The following NXNL2 variants were observed in gnomAD, a reference collection of about 807,000 sequenced individuals.
The protein encoded by NXNL2 is nucleoredoxin like 2.
NXNL2 carries 7 observed loss-of-function variants against 11.1 expected under a neutral mutation model. The observed-to-expected ratio is 0.63, with a 90% CI of 0.36 to 1.18. NXNL2 has a LOEUF of 1.18. Ranked by LOEUF, NXNL2 falls within the 50% of genes most tolerant of loss-of-function variation. The pLI is 0.02. For synonymous variants in NXNL2, 109 were observed against 101.8 expected (o/e 1.07, Z -0.42); for missense variants, 233 against 217.7 (o/e 1.07, Z -0.44).
chr9:88,565,689 C>A (rs1002146691), intron 1 of NXNL2, among the ~76,000 whole-genome samples: 3 of 152,122 alleles, frequency 2.0e-5, no homozygotes, highest in Non-Finnish European at 4.4e-5. Context: ...AGGTGCGGGA[C>A]ACCACACCTG....
downstream of NXNL2, among the ~76,000 whole-genome samples, chr9:88,580,750 C>T (rs1489683694): frequency 6.6e-6 from 1 of 152,202 alleles, no homozygotes; most frequent in Non-Finnish European, 1.5e-5. Flanking sequence ...AGATTTCATC[C>T]ATGGCCCCAC....
intron 1 of NXNL2, among the ~76,000 whole-genome samples, chr9:88,553,378 C>A (rs535542810): frequency 1.4e-4 from 21 of 152,166 alleles, no homozygotes; most frequent in African/African-American, 4.6e-4. Context: ...ACAACAACAA[C>A]AAAAAACCCA....
downstream of NXNL2, among the ~76,000 whole-genome samples, chr9:88,548,506 A>G (rs938950970): frequency 2.0e-5 from 3 of 150,506 alleles, no homozygotes; most frequent in African/African-American, 7.4e-5. Context: ...TAAAATGGTG[A>G]AACCCTGTCT....
At chr9:88,541,446 A>G (rs1409961298) in intron 1 of NXNL2, among the ~76,000 whole-genome samples, 1 of 151,912 alleles carries the variant, frequency 6.6e-6, no homozygotes, top group East Asian at 1.9e-4. Context: ...TATTTTGTGG[A>G]GACAGGGTCT....
intron 1 of NXNL2, among the ~76,000 whole-genome samples, chr9:88,542,284 A>AT (rs1454322707): frequency 6.6e-6 from 1 of 151,412 alleles, no homozygotes; most frequent in African/African-American, 2.4e-5. Context: ...AAAAAAATAT[A>AT]TATTTTTTTA....
At chr9:88,540,992 C>CTGGAGTGCA (rs1829747425) in intron 1 of NXNL2, among the ~76,000 whole-genome samples, 1 of 131,032 alleles carries the variant, frequency 7.6e-6, no homozygotes, top group East Asian at 2.1e-4. Flanking sequence ...ATCATCCAGG[C>CTGGAGTGCA]TGGAGTGCAG....
chr9:88,543,796 G>A (rs1218292984), intron 1 of NXNL2, among the ~76,000 whole-genome samples: 1 of 152,214 alleles, frequency 6.6e-6, no homozygotes, highest in South Asian at 2.1e-4. Flanking sequence ...ATACGTGGCT[G>A]GTGGCTACTG....
intron 1 of NXNL2, among the ~76,000 whole-genome samples, chr9:88,542,165 G>A (rs950819663): frequency 6.6e-5 from 10 of 151,710 alleles, no homozygotes; most frequent in African/African-American, 2.2e-4. Flanking sequence ...CCCAGGAGGC[G>A]GAGCTTGCAG....
downstream of NXNL2, among the ~76,000 whole-genome samples, chr9:88,577,235 C>T (rs1269248622): frequency 2.6e-5 from 4 of 151,828 alleles, no homozygotes; most frequent in African/African-American, 9.7e-5. Flanking sequence ...AATTAGCTCC[C>T]TGATTCCTTT....
chr9:88,584,142 T>A (rs1047813424), exon 2 of NXNL2: 2 of 152,216 alleles, frequency 1.3e-5, no homozygotes, highest in Non-Finnish European at 2.9e-5. Flanking sequence ...TAAGAAGCAA[T>A]TCTTTAGCCT....
chr9:88,535,854 C>G, intron 1 of NXNL2, 118 bp downstream of exon 1: 1 of 777,968 alleles, frequency 1.3e-6, no homozygotes, highest in East Asian at 2.8e-5. Flanking sequence ...ACCTCCCCGT[C>G]TCTCGGTTCA....
intron 2 of NXNL2, among the ~76,000 whole-genome samples, chr9:88,573,606 G>T (rs1378360429): frequency 6.6e-6 from 1 of 152,170 alleles, no homozygotes; most frequent in African/African-American, 2.4e-5. Context: ...TTGCACTCAC[G>T]AGCAAGTGGT....
At chr9:88,552,977 C>A (rs559256595) in intron 1 of NXNL2, among the ~76,000 whole-genome samples, 135 of 152,212 alleles carry the variant, frequency 8.9e-4, no homozygotes, top group African/African-American at 3.2e-3. Context: ...AAACTAGGGG[C>A]AGCTAGCTAG....
chr9:88,548,508 AC>A (rs1587845361), downstream of NXNL2, among the ~76,000 whole-genome samples: 1 of 148,620 alleles, frequency 6.7e-6, no homozygotes, highest in East Asian at 2.0e-4. Flanking sequence ...AAATGGTGAA[AC>A]CCTGTCTCTA....
intron 1 of NXNL2, 115 bp downstream of exon 1, chr9:88,535,851 C>T: frequency 1.3e-6 from 1 of 794,228 alleles, no homozygotes; most frequent in Non-Finnish European, 1.9e-6. Flanking sequence ...AACACCTCCC[C>T]GTCTCTCGGT....
intron 2 of NXNL2, among the ~76,000 whole-genome samples, chr9:88,574,120 A>G (rs1830313761): frequency 6.6e-6 from 1 of 152,192 alleles, no homozygotes; most frequent in African/African-American, 2.4e-5. Flanking sequence ...TCATATATAT[A>G]TACACCCAAG....
chr9:88,582,052 C>A (rs755667480), intron 1 of NXNL2, among the ~76,000 whole-genome samples: 5 of 152,208 alleles, frequency 3.3e-5, no homozygotes, highest in Non-Finnish European at 5.9e-5. Flanking sequence ...GGTTCTCATT[C>A]ACTACTTCTG....
chr9:88,535,652 A>T lies in NXNL2; in HGVS notation c.218A>T (p.Asp73Val). 1 of 1,608,394 alleles carries T rather than the reference A, an allele frequency of 6.2e-7. No individual in the cohort carries two copies. The highest frequency in any genetic ancestry group is 8.5e-7 in the Non-Finnish European group (1 of 1,179,292). The change falls in exon 1 of 2, where the codon GAC becomes GTC. Residue 73 changes from aspartate to valine, a missense_variant. Asp to Val is a radical substitution (Grantham distance 152, BLOSUM62 -3). Coordinates refer to ENST00000375854, the MANE Select transcript of NXNL2 (RefSeq NM_001161625.2). ...APFEVVFVSA[D>V]GSSQEMLDFM... ...TTCGAAGTGGTCTTCGTGTCAGCCG[A>T]CGGCAGCTCCCAGGAGATGCTGGAC...
chr9:88,556,500 G>T (rs1830012564), intron 1 of NXNL2, among the ~76,000 whole-genome samples: 2 of 152,120 alleles, frequency 1.3e-5, no homozygotes, highest in Admixed American at 6.6e-5. Flanking sequence ...TGAGTCCAGG[G>T]GTTTCATGGG....
Sources: allele counts gnomAD v4.1 joint callset (sites outside exome capture counted in the v4.1 genomes callset), GRCh38; gene constraint gnomAD v4.1.1; transcripts MANE v1.5; gene names NCBI Gene and HGNC (gene_info 2026-07-23, HGNC 2026-07-21).